LRRC53: variants seen among roughly 807,000 people sequenced by gnomAD.
The protein encoded by LRRC53 is leucine rich repeat containing 53.
A neutral mutation model predicts 13.6 loss-of-function variants in LRRC53; 25 were observed. That is an observed-to-expected ratio of 1.83 (90% CI 1.34 to 2.56). The LOEUF (loss-of-function observed/expected upper bound fraction) is 2.56. LRRC53 is among the 30% of genes most tolerant of loss of function. The pLI is 0.00. For synonymous variants in LRRC53, 204 were observed against 109.8 expected (o/e 1.86, Z -5.37); for missense variants, 527 against 275.8 (o/e 1.91, Z -6.45).
chr1:74,529,385 C>T, the LRRC53 span, among the ~76,000 whole-genome samples: 2 of 152,084 alleles, frequency 1.3e-5, no homozygotes, highest in African/African-American at 4.8e-5. Context: ...AATTGAAGGA[C>T]ATTTTGCAAA....
chr1:74,530,142 G>C, the LRRC53 span, among the ~76,000 whole-genome samples: 1 of 152,062 alleles, frequency 6.6e-6, no homozygotes, highest in Non-Finnish European at 1.5e-5. Context: ...AGGTGTCTAC[G>C]TTTCTATTTA....
chr1:74,491,359 A>G (rs1355894539), intron 1 of LRRC53, among the ~76,000 whole-genome samples: 1 of 152,172 alleles, frequency 6.6e-6, no homozygotes, highest in African/African-American at 2.4e-5. Context: ...AGCTGGGACT[A>G]CAGGTGCGTG....
At chr1:74,491,985 A>G in intron 1 of LRRC53, 2 of 1,356,860 alleles carry the variant, frequency 1.5e-6, no homozygotes, top group Admixed American at 2.5e-5. Flanking sequence ...CTGAGTGAAT[A>G]GAAATTAAAA....
intron 1 of LRRC53, among the ~76,000 whole-genome samples, chr1:74,497,378 A>G (rs1185816902): frequency 6.6e-6 from 1 of 151,886 alleles, no homozygotes; most frequent in Non-Finnish European, 1.5e-5. Flanking sequence ...AAAATTTTCA[A>G]ATATTCCCTT....
intron 2 of LRRC53, among the ~76,000 whole-genome samples, chr1:74,482,413 A>G (rs1668550152): frequency 6.6e-6 from 1 of 152,234 alleles, no homozygotes; most frequent in Non-Finnish European, 1.5e-5. Flanking sequence ...AATGTAGTGA[A>G]GTCAAGAAAT....
chr1:74,526,280 T>C, the LRRC53 span, among the ~76,000 whole-genome samples: 2 of 151,902 alleles, frequency 1.3e-5, no homozygotes, highest in Admixed American at 1.3e-4. Flanking sequence ...TGAACTTTCC[T>C]CAATCCAAAA....
chr1:74,508,386 T>C (rs1283474897), intron 1 of LRRC53, among the ~76,000 whole-genome samples: 2 of 152,212 alleles, frequency 1.3e-5, no homozygotes, highest in East Asian at 3.8e-4. Flanking sequence ...TTAATCTTCA[T>C]AAAAATAAAG....
At chr1:74,510,762 T>C (rs945039871) in intron 1 of LRRC53, among the ~76,000 whole-genome samples, 1 of 152,238 alleles carries the variant, frequency 6.6e-6, no homozygotes, top group Non-Finnish European at 1.5e-5. Context: ...ATTAATCAAC[T>C]AGCTCACAAA....
chr1:74,527,302 A>T, the LRRC53 span, among the ~76,000 whole-genome samples: 1 of 152,260 alleles, frequency 6.6e-6, no homozygotes. Context: ...GAGTAAACAG[A>T]CAAAGATAAA....
At chr1:74,476,400 GT>G (rs1167873063) in intron 3 of LRRC53, among the ~76,000 whole-genome samples, 2 of 151,990 alleles carry the variant, frequency 1.3e-5, no homozygotes, top group Non-Finnish European at 2.9e-5. Flanking sequence ...GATTTCCCTT[GT>G]TTTTTCACCC....
At chr1:74,490,987 A>C (rs923710156) in intron 1 of LRRC53, among the ~76,000 whole-genome samples, 3 of 152,172 alleles carry the variant, frequency 2.0e-5, no homozygotes, top group Non-Finnish European at 4.4e-5. Flanking sequence ...ATATAAAGTG[A>C]CTGTCTTGCT....
At chr1:74,478,277 TATG>T (rs1668304214) in intron 3 of LRRC53, among the ~76,000 whole-genome samples, 2 of 152,192 alleles carry the variant, frequency 1.3e-5, no homozygotes, top group African/African-American at 4.8e-5. Context: ...GATATATTAG[TATG>T]ATAATTCACA....
chr1:74,528,531 A>G, the LRRC53 span, among the ~76,000 whole-genome samples: 1 of 152,150 alleles, frequency 6.6e-6, no homozygotes, highest in East Asian at 1.9e-4. Context: ...GGAGATTTGT[A>G]CATTCAGGGA....
chr1:74,487,341 T>C (rs75904219), intron 1 of LRRC53, among the ~76,000 whole-genome samples: 2,310 of 152,132 alleles, frequency 0.015, 50 homozygotes, highest in African/African-American at 0.053. Context: ...TAGGTCAATG[T>C]AGTAGTGGGA....
intron 1 of LRRC53, among the ~76,000 whole-genome samples, chr1:74,484,089 T>G (rs1266898374): frequency 6.6e-6 from 1 of 152,078 alleles, no homozygotes; most frequent in Non-Finnish European, 1.5e-5. Context: ...CTCTAAGTGT[T>G]TAGTAAATGT....
At chr1:74,477,179 A>T (rs1668246379) in intron 3 of LRRC53, among the ~76,000 whole-genome samples, 1 of 152,160 alleles carries the variant, frequency 6.6e-6, no homozygotes, top group East Asian at 1.9e-4. Flanking sequence ...ATATTAAAAA[A>T]TTAAAAATTA....
At chr1:74,506,409 G>A (rs1317318813) in intron 1 of LRRC53, among the ~76,000 whole-genome samples, 2 of 152,192 alleles carry the variant, frequency 1.3e-5, no homozygotes, top group Non-Finnish European at 2.9e-5. Flanking sequence ...GATTTGAGCC[G>A]AGATCAGCCT....
the LRRC53 span, among the ~76,000 whole-genome samples, chr1:74,530,864 C>T: frequency 6.6e-6 from 1 of 151,982 alleles, no homozygotes; most frequent in Non-Finnish European, 1.5e-5. Flanking sequence ...CTCATTTATA[C>T]CTGCTTAAAT....
Position 74,470,543 on chromosome 1 carries a change from G to GA in LRRC53, c.3078dup (p.Pro1027SerfsTer5), listed in dbSNP as rs1450998971. ...GGAAGTTCTATTCTATTTTGGTATG[G>GA]AATTGAATTTGTCTTCATAAATGAT... On this transcript the variant is annotated frameshift_variant, in exon 5 of 5. Coordinates refer to ENST00000294635, the MANE Select transcript of LRRC53 (RefSeq NM_001382280.1). LOFTEE classifies it low-confidence loss of function (END_TRUNC). The GA allele has an allele frequency of 5.0e-6, 2 of 400,558 alleles. No individual in the cohort carries two copies. Among genetic ancestry groups the GA allele is most frequent in the Admixed American group, 8.8e-5 (2 of 22,722 alleles). 24.8% of individuals were successfully genotyped at this position (400,558 alleles called of 1,614,324 possible).
Sources: allele counts gnomAD v4.1 joint callset (sites outside exome capture counted in the v4.1 genomes callset), GRCh38; gene constraint gnomAD v4.1.1; transcripts MANE v1.5; gene names NCBI Gene and HGNC (gene_info 2026-07-23, HGNC 2026-07-21).